The following OTC variants were observed in gnomAD, a reference collection of about 807,000 sequenced individuals.
The protein encoded by OTC is ornithine transcarbamylase, also known as ornithine transcarbamylase, mitochondrial.
Under a neutral mutation model 30.3 loss-of-function variants are expected in OTC, and 3 were observed. That is an observed-to-expected ratio of 0.10 (90% CI 0.05 to 0.26). The LOEUF is 0.26. Among genes scored for constraint, OTC ranks in the 10% least tolerant of loss-of-function variants. The probability of loss-of-function intolerance (pLI) is 1.00; values close to 1 mark genes in which losing one functional copy is unlikely to be tolerated. For missense variants in OTC, 194 were observed against 260.3 expected (o/e 0.75, Z 1.75); for synonymous variants, 111 against 99.7 (o/e 1.11, Z -0.67).
At chrX:38,349,875 T>C (rs1446185493), upstream of OTC, among the ~76,000 whole-genome samples, 2 of 111,673 alleles carry the variant, frequency 1.8e-5, no homozygotes, top group Admixed American at 9.5e-5. Flanking sequence ...TGCTTGGTGG[T>C]GGTGGGGCTT....
chrX:38,410,797 G>A (rs2068539090), intron 8 of OTC, among the ~76,000 whole-genome samples: 1 of 111,876 alleles, frequency 8.9e-6, no homozygotes, highest in Non-Finnish European at 1.9e-5. Context: ...TTGATGTATG[G>A]CATTTATAAA....
chrX:38,400,097 T>G (rs2068477789), intron 4 of OTC, among the ~76,000 whole-genome samples: 1 of 111,741 alleles, frequency 8.9e-6, no homozygotes, highest in Non-Finnish European at 1.9e-5. Flanking sequence ...ATATCCTTTT[T>G]AAATTAAATT....
chrX:38,385,624 A>G (rs946934655), intron 4 of OTC, among the ~76,000 whole-genome samples: 4 of 111,929 alleles, frequency 3.6e-5, no homozygotes, highest in Admixed American at 2.9e-4. Flanking sequence ...AAGGGAAGCC[A>G]TTAATGTTCT....
At chrX:38,405,080 G>A (rs938746521) in intron 6 of OTC, among the ~76,000 whole-genome samples, 2 of 111,106 alleles carry the variant, frequency 1.8e-5, no homozygotes, top group African/African-American at 3.3e-5. Context: ...CAAACTGCAC[G>A]CACTAGGTGT....
At position 38,397,848 on chromosome X, in the gene OTC, T is replaced by C. The variant is rs907995014; in HGVS notation, c.387-3427T>C. On this transcript the variant is annotated intron_variant, in intron 4 of 9. Coordinates refer to ENST00000039007, the MANE Select transcript of OTC (RefSeq NM_000531.6). ...TTGGGGAGCTTTAAAAATGTTGATA[T>C]GGGTCTCACTATCATAGCTTCTGAT... Among the ~76,000 whole-genome samples the C allele has an allele frequency of 6.3e-5, 7 of 111,396 alleles. No homozygotes were observed. The South Asian group carries it at 2.7e-3, about 42-fold the overall frequency.
chrX:38,376,704 TA>T (rs756549504), intron 3 of OTC, among the ~76,000 whole-genome samples: 2 of 111,624 alleles, frequency 1.8e-5, no homozygotes, highest in East Asian at 5.6e-4. Context: ...TTATATCAGG[TA>T]AAATAGATTT....
chrX:38,403,420 T>C (rs2068499176), intron 5 of OTC, among the ~76,000 whole-genome samples, 198 bp from the exon 6 acceptor site: 1 of 95,210 alleles, frequency 1.1e-5, no homozygotes, highest in African/African-American at 4.3e-5. Flanking sequence ...GTTTAAGATA[T>C]TAAGACATTT....
rs374791607 is a variant in OTC, at chrX:38,386,242, G to T, written c.386+4813G>T. On this transcript the variant is annotated intron_variant, in intron 4 of 9. Transcript: ENST00000039007. The stretch of plus-strand genomic sequence containing the variant: ...ACAAAAATTAGCCAGGCGTGGTGGC[G>T]TGTGCCTGTAATCCCAGCTACTCAG... Among the ~76,000 whole-genome samples the T allele has an allele frequency of 2.0e-4, 22 of 107,971 alleles. 1 individual carries two copies. The South Asian group carries it at 7.9e-3, about 39-fold the overall frequency. 93.8% of individuals were successfully genotyped at this position (107,971 alleles called of 115,157 possible).
Position 38,381,395 on chromosome X carries a change from T to C in OTC, c.352T>C (p.Leu118=), listed in dbSNP as rs2068375753. The C allele has an allele frequency of 5.0e-6, 6 of 1,203,580 alleles. No homozygotes were observed. Among genetic ancestry groups the C allele is most frequent in the Non-Finnish European group, 6.8e-6 (6 of 887,888 alleles). The change falls in exon 4 of 10, where the codon TTG becomes CTG. Residue 118 remains leucine, a synonymous_variant. Coordinates refer to ENST00000039007, the MANE Select transcript of OTC (RefSeq NM_000531.6). The stretch of plus-strand genomic sequence containing the variant: ...TTTTCTTACCACACAAGATATTCAT[T>C]TGGGTGTGAATGAAAGTCTCACGGA... ...PCFLTTQDIH[L]GVNESLTDTA...
At chrX:38,361,627 A>G (rs1171535051) in intron 1 of OTC, among the ~76,000 whole-genome samples, 1 of 112,414 alleles carries the variant, frequency 8.9e-6, no homozygotes, top group Non-Finnish European at 1.9e-5. Flanking sequence ...ATGACAGTTT[A>G]CCAAAACATA....
chrX:38,341,043 C>T, the OTC span, among the ~76,000 whole-genome samples: 2 of 111,749 alleles, frequency 1.8e-5, no homozygotes, highest in African/African-American at 6.5e-5. Flanking sequence ...AGTGATCCGC[C>T]TGCCTCGGCC....
rs746940552 is a variant in OTC, at chrX:38,401,724, G to C, written c.540+296G>C. Among the ~76,000 whole-genome samples the C allele has an allele frequency of 5.0e-3, 557 of 111,514 alleles. 1 individual carries two copies. The highest frequency in any genetic ancestry group is 0.017 in the African/African-American group (524 of 30,737). The stretch of plus-strand genomic sequence containing the variant: ...ATATTTAACACAATGAATGAATAGA[G>C]AACACTGGAGCATACAAAATGGACA... On this transcript the variant is annotated intron_variant, in intron 5 of 9. Coordinates refer to ENST00000039007, the MANE Select transcript of OTC (RefSeq NM_000531.6).
At chrX:38,406,646 C>T (rs1401381044) in intron 6 of OTC, among the ~76,000 whole-genome samples, 1 of 111,719 alleles carries the variant, frequency 9.0e-6, no homozygotes, top group African/African-American at 3.3e-5. Context: ...AGTATAAAAC[C>T]TACTCTCCAA....
At chrX:38,408,689 A>T (rs2068527613) in intron 6 of OTC, 53 bp from the exon 7 acceptor site, 1 of 829,552 alleles carries the variant, frequency 1.2e-6, no homozygotes, top group African/African-American at 2.0e-5. Flanking sequence ...TATATTTAAG[A>T]AAACATGTAT....
At chrX:38,331,455 GT>G in the OTC span, among the ~76,000 whole-genome samples, 29 of 23,454 alleles carry the variant, frequency 1.2e-3, no homozygotes, top group Non-Finnish European at 1.5e-3. Context: ...TTTTTTTTTT[GT>G]TTGTTTTTTT....
intron 4 of OTC, among the ~76,000 whole-genome samples, chrX:38,393,260 C>A (rs1053513401): frequency 1.8e-5 from 2 of 112,315 alleles, no homozygotes; most frequent in Admixed American, 9.4e-5. Flanking sequence ...AATCACAAGC[C>A]TAACATTTCA....
intron 1 of OTC, among the ~76,000 whole-genome samples, chrX:38,357,118 T>C (rs2068246025): frequency 8.9e-6 from 1 of 111,895 alleles, no homozygotes; most frequent in Non-Finnish European, 1.9e-5. Flanking sequence ...AGAGAATCGC[T>C]AATTTCGTTC....
upstream of OTC, among the ~76,000 whole-genome samples, chrX:38,347,704 T>C (rs991844111): frequency 1.4e-4 from 16 of 111,900 alleles, no homozygotes; most frequent in Non-Finnish European, 2.6e-4. Flanking sequence ...TTAGACACTA[T>C]ACCTCATGTT....
chrX:38,390,375 T>C (rs2068423723), intron 4 of OTC, among the ~76,000 whole-genome samples: 1 of 112,451 alleles, frequency 8.9e-6, no homozygotes, highest in African/African-American at 3.2e-5. Context: ...TCAATTTACA[T>C]TGGGGATAGA....
Sources: gnomAD v4.1 joint callset for allele counts (sites outside exome capture counted in the v4.1 genomes callset) on GRCh38, gnomAD v4.1.1 for gene constraint, MANE v1.5 for transcripts, NCBI Gene and HGNC (gene_info 2026-07-23, HGNC 2026-07-21) for gene names.